Variants in PHACTR3 observed in about 807,000 individuals in gnomAD.
The protein encoded by PHACTR3 is phosphatase and actin regulator 3, also known as protein phosphatase 1, regulatory subunit 123.
In PHACTR3, 16 loss-of-function variants were observed where a neutral mutation model predicts 66.8. That is an observed-to-expected ratio of 0.24 (90% CI 0.16 to 0.36). PHACTR3 has a LOEUF of 0.36. Ranked by LOEUF, PHACTR3 falls within the 10% of genes least tolerant of loss-of-function variation. The pLI, the probability that PHACTR3 is intolerant of heterozygous loss-of-function variation, is 1.00. For synonymous variants in PHACTR3, 323 were observed against 292.1 expected (o/e 1.11, Z -1.08); for missense variants, 647 against 719.9 (o/e 0.90, Z 1.16).
intron 8 of PHACTR3, among the ~76,000 whole-genome samples, chr20:59,815,846 A>G (rs986437844): frequency 5.3e-5 from 8 of 151,942 alleles, no homozygotes; most frequent in African/African-American, 1.9e-4. Flanking sequence ...CAGGTGTGCA[A>G]ACATCTCCTA....
intron 1 of PHACTR3, among the ~76,000 whole-genome samples, chr20:59,653,603 T>C (rs1253356195): frequency 6.6e-6 from 1 of 152,202 alleles, no homozygotes; most frequent in African/African-American, 2.4e-5. Context: ...ATTTCATGAT[T>C]AGTGTTATTA....
chr20:59,622,357 C>T (rs902556085), intron 1 of PHACTR3, among the ~76,000 whole-genome samples: 1 of 152,108 alleles, frequency 6.6e-6, no homozygotes, highest in Non-Finnish European at 1.5e-5. Context: ...AGGTCCTCCT[C>T]TATAAACTGG....
At chr20:59,649,228 A>G (rs1372091179) in intron 1 of PHACTR3, among the ~76,000 whole-genome samples, 1 of 152,250 alleles carries the variant, frequency 6.6e-6, no homozygotes, top group Non-Finnish European at 1.5e-5. Context: ...TGAAATAGTT[A>G]TAAGAAAAGT....
At chr20:59,675,002 TCTCCTGTTCCTCCCCATTCTCCTCC>T (rs1424762657) in intron 1 of PHACTR3, among the ~76,000 whole-genome samples, 814 of 72,072 alleles carry the variant, frequency 0.011, 17 homozygotes, top group Admixed American at 0.052. Context: ...TGTTCCCCCT[TCTCCTGTTCCTCCCCATTCTCCTCC>T]CTGTTCCTCC....
intron 2 of PHACTR3, among the ~76,000 whole-genome samples, chr20:59,745,188 G>T (rs903449989): frequency 5.3e-5 from 8 of 152,232 alleles, no homozygotes; most frequent in Non-Finnish European, 7.3e-5. Flanking sequence ...GGCAGCAGTG[G>T]GAACAGCCCT....
chr20:59,717,620 A>G (rs1379351091), intron 1 of PHACTR3, among the ~76,000 whole-genome samples: 1 of 152,108 alleles, frequency 6.6e-6, no homozygotes, highest in East Asian at 1.9e-4. Context: ...TGGAATCCCC[A>G]CTGGAAACCC....
At chr20:59,799,930 C>T (rs892635489) in intron 7 of PHACTR3, among the ~76,000 whole-genome samples, 2 of 152,078 alleles carry the variant, frequency 1.3e-5, no homozygotes, top group African/African-American at 4.8e-5. Flanking sequence ...CACTTTATCT[C>T]CTCTGTTGGC....
At chr20:59,642,802 A>C (rs868414928) in intron 1 of PHACTR3, among the ~76,000 whole-genome samples, 16 of 152,380 alleles carry the variant, frequency 1.1e-4, no homozygotes, top group African/African-American at 3.6e-4. Context: ...CCCTTGGTGC[A>C]TGACAGCAAC....
intron 4 of PHACTR3, among the ~76,000 whole-genome samples, chr20:59,760,833 C>A (rs1477580736): frequency 6.6e-6 from 1 of 152,080 alleles, no homozygotes; most frequent in Non-Finnish European, 1.5e-5. Context: ...TTCTGGCCTT[C>A]CCACAAGTGC....
At chr20:59,588,391 A>T (rs1314144823) in intron 1 of PHACTR3, among the ~76,000 whole-genome samples, 1 of 152,058 alleles carries the variant, frequency 6.6e-6, no homozygotes, top group Non-Finnish European at 1.5e-5. Flanking sequence ...TCCCTGTCCG[A>T]TGCAGCAGCC....
chr20:59,583,395 G>A (rs555812067), intron 1 of PHACTR3, among the ~76,000 whole-genome samples: 1 of 152,216 alleles, frequency 6.6e-6, no homozygotes, highest in South Asian at 2.1e-4. Flanking sequence ...CAGATTTTGG[G>A]CAAAAATTGG....
intron 4 of PHACTR3, among the ~76,000 whole-genome samples, chr20:59,759,178 C>A (rs1467671522): frequency 2.6e-5 from 4 of 152,186 alleles, no homozygotes; most frequent in Non-Finnish European, 5.9e-5. Flanking sequence ...GCTGGGACAA[C>A]CCCGAGGCCT....
chr20:59,843,101 A>G (rs918654921), intron 11 of PHACTR3, among the ~76,000 whole-genome samples: 1 of 152,134 alleles, frequency 6.6e-6, no homozygotes, highest in Non-Finnish European at 1.5e-5. Context: ...AAAGAAATCA[A>G]GAAGGCAATC....
At chr20:59,673,191 G>A (rs2036254321) in intron 1 of PHACTR3, among the ~76,000 whole-genome samples, 1 of 152,166 alleles carries the variant, frequency 6.6e-6, no homozygotes, top group Non-Finnish European at 1.5e-5. Context: ...TTTATCTGTG[G>A]GCATGGCAGG....
intron 1 of PHACTR3, among the ~76,000 whole-genome samples, chr20:59,632,451 A>G (rs1328615002): frequency 6.6e-6 from 1 of 152,168 alleles, no homozygotes; most frequent in Non-Finnish European, 1.5e-5. Context: ...TCCCTCCACA[A>G]GAAGTCACAG....
intron 1 of PHACTR3, among the ~76,000 whole-genome samples, chr20:59,661,748 C>T (rs2035812452): frequency 6.6e-6 from 1 of 151,018 alleles, no homozygotes; most frequent in African/African-American, 2.4e-5. Context: ...CCAGGTTGGC[C>T]ACGCAGCGAC....
At chr20:59,798,360 A>AT (rs2041314298) in intron 7 of PHACTR3, among the ~76,000 whole-genome samples, 1 of 152,204 alleles carries the variant, frequency 6.6e-6, no homozygotes, top group African/African-American at 2.4e-5. Context: ...TTCAACATGA[A>AT]TTTTGGAAGG....
intron 1 of PHACTR3, among the ~76,000 whole-genome samples, chr20:59,680,700 C>T (rs552721690): frequency 0.028 from 4,283 of 152,142 alleles, 80 homozygotes; most frequent in Middle Eastern, 0.065. Flanking sequence ...TTAGTGTTAG[C>T]GTATTTTATG....
intron 11 of PHACTR3, chr20:59,844,137 A>G (rs920233424): frequency 6.6e-6 from 1 of 152,132 alleles, no homozygotes; most frequent in Non-Finnish European, 1.5e-5. Context: ...ATCTTATTCC[A>G]GTTAGAATAG....
Sources: allele counts gnomAD v4.1 joint callset (sites outside exome capture counted in the v4.1 genomes callset), GRCh38; gene constraint gnomAD v4.1.1; transcripts MANE v1.5; gene names NCBI Gene and HGNC (gene_info 2026-07-23, HGNC 2026-07-21).